RBFOX1: variants seen among roughly 807,000 people sequenced by gnomAD.
RBFOX1 encodes the protein RNA binding fox-1 homolog 1.
RBFOX1 carries 8 observed loss-of-function variants against 57.7 expected under a neutral mutation model. The ratio of observed to expected loss-of-function variants is 0.14; its 90% confidence interval spans 0.08 to 0.25. RBFOX1 has a LOEUF of 0.25. Among genes scored for constraint, RBFOX1 ranks in the 10% least tolerant of loss-of-function variants. The pLI, the probability that RBFOX1 is intolerant of heterozygous loss-of-function variation, is 1.00. For missense variants in RBFOX1, 611 were observed against 548.5 expected (o/e 1.11, Z -1.14); for synonymous variants, 326 against 222.4 (o/e 1.47, Z -4.15).
At chr16:7,001,393 TGTATTTGTATATGTATA>T (rs879819476) in intron 3 of RBFOX1, among the ~76,000 whole-genome samples, 1,871 of 116,938 alleles carry the variant, frequency 0.016, 34 homozygotes, top group African/African-American at 0.084. Context: ...TATGTGTATG[TGTATTTGTATATGTATA>T]TGTATATGTA....
intron 3 of RBFOX1, among the ~76,000 whole-genome samples, chr16:6,787,932 G>A (rs909781070): frequency 1.3e-5 from 2 of 152,124 alleles, no homozygotes; most frequent in African/African-American, 4.8e-5. Context: ...GCTGGTGAAA[G>A]GCCAATGAGG....
intron 3 of RBFOX1, among the ~76,000 whole-genome samples, chr16:7,049,773 G>T (rs188704341): frequency 6.6e-6 from 1 of 152,178 alleles, no homozygotes; most frequent in Non-Finnish European, 1.5e-5. Flanking sequence ...GCTGCATTCA[G>T]TGGGGGAAAC....
chr16:7,483,106 G>T (rs1367246542), intron 4 of RBFOX1, among the ~76,000 whole-genome samples: 1 of 152,146 alleles, frequency 6.6e-6, no homozygotes, highest in Non-Finnish European at 1.5e-5. Flanking sequence ...CCTTCCTCAA[G>T]TTAGAAGAAC....
intron 3 of RBFOX1, among the ~76,000 whole-genome samples, chr16:6,803,645 C>T (rs1050295789): frequency 6.6e-6 from 1 of 152,166 alleles, no homozygotes; most frequent in Non-Finnish European, 1.5e-5. Flanking sequence ...GCAAAAGAAT[C>T]TTTCACCATT....
Position 6,579,692 on chromosome 16 carries a change from C to G in RBFOX1, c.-63-74911C>G, listed in dbSNP as rs562550165. On this transcript the variant is annotated intron_variant, in intron 2 of 15. Transcript: ENST00000550418. ...CAGTTATACCTCTTTCCTTTATAAA[C>G]ACTAAGTCTCAGGTATATCTTTAGT... is the stretch of plus-strand genomic sequence containing the variant. Among the ~76,000 whole-genome samples the G allele has an allele frequency of 9.9e-5, 15 of 152,252 alleles. 1 individual carries two copies. In the South Asian group the frequency reaches 2.7e-3, roughly 27 times the overall value.
At chr16:7,218,628 C>CTGTGTGTG (rs60333818) in intron 4 of RBFOX1, among the ~76,000 whole-genome samples, 2,009 of 127,286 alleles carry the variant, frequency 0.016, 40 homozygotes, top group Non-Finnish European at 0.019. Context: ...TGGGGGTTTG[C>CTGTGTGTG]TGTGTGTGTG....
intron 14 of RBFOX1, among the ~76,000 whole-genome samples, chr16:7,680,487 C>T (rs763409791): frequency 2.0e-5 from 3 of 152,032 alleles, no homozygotes; most frequent in Admixed American, 6.6e-5. Flanking sequence ...AGATGCAGAC[C>T]GCCTAGAGAC....
intron 4 of RBFOX1, among the ~76,000 whole-genome samples, chr16:7,148,782 C>G (rs564157611): frequency 6.6e-6 from 1 of 152,184 alleles, no homozygotes; most frequent in African/African-American, 2.4e-5. Context: ...TGAGACTAAT[C>G]CTGAGTTCGG....
At chr16:6,361,648 A>G (rs889114372) in intron 2 of RBFOX1, among the ~76,000 whole-genome samples, 6 of 151,308 alleles carry the variant, frequency 4.0e-5, no homozygotes, top group African/African-American at 1.2e-4. Flanking sequence ...AAAAAAAATC[A>G]TGGTCAATCA....
intron 3 of RBFOX1, among the ~76,000 whole-genome samples, chr16:6,930,936 T>C (rs1010521734): frequency 2.7e-5 from 4 of 150,546 alleles, no homozygotes; most frequent in African/African-American, 9.7e-5. Flanking sequence ...TGTATATTCA[T>C]ATATATATAT....
chr16:5,438,288 G>A (rs1298219135), intron 1 of RBFOX1, among the ~76,000 whole-genome samples: 1 of 152,206 alleles, frequency 6.6e-6, no homozygotes, highest in Non-Finnish European at 1.5e-5. Flanking sequence ...TTGTGGGTGT[G>A]TCTAGGCAGT....
At chr16:6,139,643 C>G (rs1054306155) in intron 1 of RBFOX1, among the ~76,000 whole-genome samples, 2 of 152,234 alleles carry the variant, frequency 1.3e-5, no homozygotes, top group South Asian at 2.1e-4. Flanking sequence ...TTTCTCCTCT[C>G]CTCTGTGATT....
chr16:6,754,758 G>A lies in RBFOX1; in HGVS notation c.-16+100108G>A, dbSNP rs538186298. Among the ~76,000 whole-genome samples the A allele has an allele frequency of 3.3e-5, 5 of 152,110 alleles. No homozygotes were observed. In the South Asian group the frequency reaches 1.0e-3, roughly 32 times the overall value. On this transcript the variant is annotated intron_variant, in intron 3 of 15. Transcript: ENST00000550418. ...TAGGGTACATGTGCACAATGTGCAG[G>A]TTAGTTACATATGTATACATGTGCC...
chr16:7,420,308 A>G (rs2098528208), intron 4 of RBFOX1, among the ~76,000 whole-genome samples: 2 of 152,340 alleles, frequency 1.3e-5, no homozygotes, highest in South Asian at 4.1e-4. Flanking sequence ...AACATGAGAC[A>G]TGGAATCTGT....
At chr16:6,341,036 G>A (rs946585416) in intron 2 of RBFOX1, among the ~76,000 whole-genome samples, 1 of 152,162 alleles carries the variant, frequency 6.6e-6, no homozygotes, top group African/African-American at 2.4e-5. Context: ...CTAGGGTCTT[G>A]TAGGGCATGT....
intron 2 of RBFOX1, among the ~76,000 whole-genome samples, chr16:5,582,526 A>C (rs1356050784): frequency 1.3e-5 from 2 of 149,304 alleles, no homozygotes; most frequent in Admixed American, 1.3e-4. Flanking sequence ...ACTTGAACCC[A>C]GGCATTTTCA....
At chr16:5,455,731 A>G (rs1413683452) in intron 1 of RBFOX1, among the ~76,000 whole-genome samples, 2 of 152,178 alleles carry the variant, frequency 1.3e-5, no homozygotes, top group Non-Finnish European at 2.9e-5. Flanking sequence ...CTCTTTGCCC[A>G]TTCTCCTAAT....
intron 3 of RBFOX1, among the ~76,000 whole-genome samples, chr16:6,862,484 A>C (rs1274808533): frequency 6.6e-6 from 1 of 152,226 alleles, no homozygotes; most frequent in African/African-American, 2.4e-5. Flanking sequence ...TTACCTAGGA[A>C]AAGGAGCAAA....
intron 4 of RBFOX1, among the ~76,000 whole-genome samples, chr16:7,161,529 A>T (rs535606592): frequency 6.6e-5 from 10 of 152,166 alleles, no homozygotes; most frequent in Non-Finnish European, 1.5e-4. Flanking sequence ...TATTTTACAG[A>T]TTCAGAAAGA....
Sources: allele counts gnomAD v4.1 joint callset (sites outside exome capture counted in the v4.1 genomes callset), GRCh38; gene constraint gnomAD v4.1.1; transcripts MANE v1.5; gene names NCBI Gene and HGNC (gene_info 2026-07-23, HGNC 2026-07-21).